Variants in EYA1 observed in about 807,000 individuals in gnomAD.
The protein encoded by EYA1 is EYA transcriptional coactivator and phosphatase 1, also known as protein phosphatase EYA1.
EYA1 carries 16 observed loss-of-function variants against 82.0 expected under a neutral mutation model. The ratio of observed to expected loss-of-function variants is 0.20; its 90% CI spans 0.13 to 0.30. EYA1 has a LOEUF of 0.30. Among genes scored for constraint, EYA1 ranks in the 10% least tolerant of loss-of-function variants. The probability of loss-of-function intolerance (pLI) is 1.00; values close to 1 mark genes in which losing one functional copy is unlikely to be tolerated. For missense variants in EYA1, 633 were observed against 730.7 expected (o/e 0.87, Z 1.54); for synonymous variants, 261 against 264.4 (o/e 0.99, Z 0.12).
intron 2 of EYA1, among the ~76,000 whole-genome samples, chr8:71,387,070 A>G (rs956418265): frequency 1.3e-5 from 2 of 152,176 alleles, no homozygotes; most frequent in African/African-American, 4.8e-5. Flanking sequence ...CCCTACCCCT[A>G]TAGAGCTCAT....
chr8:71,434,849 G>A (rs867193077), intron 2 of EYA1, among the ~76,000 whole-genome samples: 9 of 151,910 alleles, frequency 5.9e-5, no homozygotes, highest in African/African-American at 2.2e-4. Context: ...CTTACGGGAG[G>A]GAATACAAGT....
At position 71,374,791 on chromosome 8, in the gene EYA1, G is replaced by A. The variant is rs550774984; in HGVS notation, c.34-18280C>T. Among the ~76,000 whole-genome samples the A allele has an allele frequency of 2.6e-5, 4 of 151,890 alleles. No individual in the cohort carries two copies. In the South Asian group the frequency reaches 8.3e-4, roughly 32 times the overall value. On this transcript the variant is annotated intron_variant, in intron 2 of 18. Coordinates refer to the EYA1 transcript ENST00000643681. ...GACAGATAATGAATAAAGAAACTGT[G>A]GTATATATACACAATGGAATATAAT...
chr8:71,467,431 CA>C (rs1379430448), intron 2 of EYA1, among the ~76,000 whole-genome samples: 4 of 152,072 alleles, frequency 2.6e-5, no homozygotes, highest in Admixed American at 1.3e-4. Context: ...GGAACAATAA[CA>C]AAAAATTACT....
rs549096842 is a variant in EYA1 at position 71,387,947 on chromosome 8, G to A, written c.34-31436C>T. Reference sequence around the variant, plus strand: ...ATTAGGAATCATCAGCAAAGTAGGAGAACTCATAGACTATGTGAAGAAGTC... The same window carrying A: ...ATTAGGAATCATCAGCAAAGTAGGAAAACTCATAGACTATGTGAAGAAGTC... On this transcript the variant is annotated intron_variant, in intron 2 of 18. Transcript: ENST00000643681. Among the ~76,000 whole-genome samples the A allele has an allele frequency of 7.2e-5, 11 of 152,230 alleles. No individual in the cohort carries two copies. In the East Asian group the frequency reaches 2.1e-3, roughly 29 times the overall value.
chr8:71,206,582 A>T (rs901179737), intron 17 of EYA1, among the ~76,000 whole-genome samples: 1 of 152,228 alleles, frequency 6.6e-6, no homozygotes, highest in Non-Finnish European at 1.5e-5. Flanking sequence ...ATCCTAATTT[A>T]GCTACTTTCT....
intron 12 of EYA1, among the ~76,000 whole-genome samples, chr8:71,222,133 C>T (rs1205084541): frequency 1.3e-5 from 2 of 152,174 alleles, no homozygotes; most frequent in Admixed American, 1.3e-4. Context: ...GCCTCAGTCT[C>T]TCTTTCTGCC....
At chr8:71,518,283 C>A (rs941115432) in intron 2 of EYA1, among the ~76,000 whole-genome samples, 1 of 152,098 alleles carries the variant, frequency 6.6e-6, no homozygotes, top group Non-Finnish European at 1.5e-5. Flanking sequence ...TCTTGACTCA[C>A]CTTCCCTCCA....
At position 71,244,584 on chromosome 8, in the gene EYA1, A is replaced by G; in HGVS notation, c.1140+19T>C. 7.7e-7 allele frequency: 1 copy of G among 1,300,760 alleles called. No homozygotes were observed. The highest frequency in any genetic ancestry group is 1.1e-6 in the Non-Finnish European group (1 of 905,494). The allele number at this position is 1,300,760 out of a possible 1,614,324, so 80.6% of individuals were successfully genotyped here. On this transcript the variant is annotated intron_variant, in intron 12 of 17. Coordinates refer to ENST00000340726, the MANE Select transcript of EYA1 (RefSeq NM_000503.6). ...TATTTTCAGACATGCAAAAATATGT[A>G]TTAAAAATTAGAACTTACTTCTAAG...
chr8:71,411,565 G>A (rs1322878739), intron 2 of EYA1, among the ~76,000 whole-genome samples: 1 of 150,458 alleles, frequency 6.6e-6, no homozygotes, highest in African/African-American at 2.5e-5. Context: ...CAAAAAGTGG[G>A]CGAAGGACAT....
At position 71,462,491 on chromosome 8, in the gene EYA1, T is replaced by C. The variant is rs1307296307; in HGVS notation, c.33+73253A>G. On this transcript the variant is annotated intron_variant, in intron 2 of 18. Transcript: ENST00000643681. Reference sequence around the variant, plus strand: ...CCTCAAGTGTACAGAGGTGCAAAGATGCCCAGGTTCAGTGCCTTGGAGGGC... The same window carrying C: ...CCTCAAGTGTACAGAGGTGCAAAGACGCCCAGGTTCAGTGCCTTGGAGGGC... Among the ~76,000 whole-genome samples the C allele has an allele frequency of 2.6e-5, 4 of 152,276 alleles. No homozygotes were observed. The South Asian group carries it at 8.3e-4, about 32-fold the overall frequency.
intron 11 of EYA1, among the ~76,000 whole-genome samples, chr8:71,266,658 C>T (rs575471738): frequency 6.6e-6 from 1 of 151,936 alleles, no homozygotes; most frequent in East Asian, 1.9e-4. Flanking sequence ...CTCCAAGGAG[C>T]CTCTAACCCT....
chr8:71,400,587 T>C (rs949861222), intron 2 of EYA1, among the ~76,000 whole-genome samples: 3 of 152,226 alleles, frequency 2.0e-5, no homozygotes, highest in African/African-American at 4.8e-5. Flanking sequence ...CACAGTGAGA[T>C]GCCATTTCGC....
chr8:71,375,919 A>T (rs1460813560), intron 2 of EYA1, among the ~76,000 whole-genome samples: 1 of 152,082 alleles, frequency 6.6e-6, no homozygotes, highest in Non-Finnish European at 1.5e-5. Flanking sequence ...GTGAGCCACC[A>T]CACCTGGACA....
intron 1 of EYA1, chr8:71,535,981 T>C (rs768505338): frequency 2.5e-6 from 1 of 392,456 alleles, no homozygotes; most frequent in Non-Finnish European, 4.5e-6. Context: ...ACTGAATGAG[T>C]CTTTAAAATA....
chr8:71,328,272 C>T (rs1482426570), intron 4 of EYA1, among the ~76,000 whole-genome samples: 3 of 152,218 alleles, frequency 2.0e-5, no homozygotes, highest in Non-Finnish European at 1.5e-5. Context: ...AACCGTAAGC[C>T]CTGTTCATAG....
At chr8:71,309,412 T>C (rs1322688572) in intron 7 of EYA1, among the ~76,000 whole-genome samples, 1 of 150,880 alleles carries the variant, frequency 6.6e-6, no homozygotes, top group Non-Finnish European at 1.5e-5. Flanking sequence ...AAAAAATAAA[T>C]ATGAGAAGAG....
chr8:71,203,405 T>C (rs182193241), intron 17 of EYA1, among the ~76,000 whole-genome samples: 4 of 152,004 alleles, frequency 2.6e-5, no homozygotes, highest in East Asian at 1.9e-4. Flanking sequence ...TGTAAGGCAA[T>C]GAGGGATGAA....
At chr8:71,379,115 C>A (rs1375959596) in intron 2 of EYA1, among the ~76,000 whole-genome samples, 5 of 152,004 alleles carry the variant, frequency 3.3e-5, no homozygotes, top group Non-Finnish European at 7.4e-5. Context: ...AGAAACCTGA[C>A]AAACTAAGTG....
intron 9 of EYA1, among the ~76,000 whole-genome samples, chr8:71,277,558 CCTT>C (rs1477291031): frequency 6.6e-6 from 1 of 152,126 alleles, no homozygotes; most frequent in Non-Finnish European, 1.5e-5. Context: ...ACTTCTGGTC[CCTT>C]CTTTGTAATT....
Sources: gnomAD v4.1 joint callset for allele counts (sites outside exome capture counted in the v4.1 genomes callset) on GRCh38, gnomAD v4.1.1 for gene constraint, MANE v1.5 for transcripts, NCBI Gene and HGNC (gene_info 2026-07-23, HGNC 2026-07-21) for gene names.